Variants in TMPRSS4 observed in about 807,000 individuals in gnomAD.
TMPRSS4 encodes transmembrane serine protease 4.
A neutral mutation model predicts 56.4 loss-of-function variants in TMPRSS4; 45 were observed. That is an observed-to-expected ratio of 0.80 (90% confidence interval 0.63 to 1.02). The LOEUF (loss-of-function observed/expected upper bound fraction) is 1.02, where lower values mean the gene tolerates loss of function less well. Among genes scored for constraint, TMPRSS4 ranks in the 50% least tolerant of loss-of-function variants. The pLI is 0.00. For synonymous variants in TMPRSS4, 205 were observed against 211.0 expected (o/e 0.97, Z 0.25); for missense variants, 546 against 556.7 (o/e 0.98, Z 0.19).
At chr11:118,093,237 G>T (rs1418092464) in intron 1 of TMPRSS4, among the ~76,000 whole-genome samples, 1 of 152,146 alleles carries the variant, frequency 6.6e-6, no homozygotes, top group Admixed American at 6.5e-5. Context: ...AACACCCAGG[G>T]ACCCTCCCTC....
chr11:118,118,297 C>T lies in TMPRSS4; in HGVS notation c.*384C>T, dbSNP rs1406428960. On this transcript the variant is annotated 3_prime_UTR_variant, in exon 13 of 13. Coordinates refer to ENST00000437212, the MANE Select transcript of TMPRSS4 (RefSeq NM_019894.4). The stretch of plus-strand genomic sequence containing the variant: ...AGGAGAAGGAAAGGGTCTGCGCCAG[C>T]CCTGTCCGTCTTCACCCATCCCCAA... The T allele has an allele frequency of 9.0e-7, 1 of 1,110,832 alleles. No homozygotes were observed. The highest frequency in any genetic ancestry group is 1.1e-6 in the Non-Finnish European group (1 of 909,850). 68.8% of individuals were successfully genotyped at this position (1,110,832 alleles called of 1,614,324 possible). A position where few individuals can be genotyped will look rare whatever the true frequency, so the allele number is the denominator to read the frequency against.
At chr11:118,102,429 C>T (rs763332948) in intron 3 of TMPRSS4, among the ~76,000 whole-genome samples, 13 of 152,118 alleles carry the variant, frequency 8.5e-5, no homozygotes, top group Non-Finnish European at 1.2e-4. Flanking sequence ...ACAGTAAGGC[C>T]GAGTGCGGTG....
intron 3 of TMPRSS4, among the ~76,000 whole-genome samples, chr11:118,099,671 G>A (rs985765908): frequency 6.6e-6 from 1 of 152,020 alleles, no homozygotes; most frequent in East Asian, 2.0e-4. Context: ...GGGCTGCCAC[G>A]CCCCCTGCCC....
Position 118,118,068 on chromosome 11 carries a change from T to A in TMPRSS4, c.*155T>A. ...TGGAGCAGCAAAGGGCCTCAATTCC[T>A]ATAAGAGACCCTCGCAGCCCAGAGG... On this transcript the variant is annotated 3_prime_UTR_variant, in exon 13 of 13. Transcript: ENST00000437212. The A allele has an allele frequency of 6.7e-7, 1 of 1,497,716 alleles. No homozygotes were observed. The highest frequency in any genetic ancestry group is 8.9e-7 in the Non-Finnish European group (1 of 1,129,488). The allele number at this position is 1,497,716 out of a possible 1,614,324, so 92.8% of individuals were successfully genotyped here. A position where few individuals can be genotyped will look rare whatever the true frequency, so the allele number is the denominator to read the frequency against.
rs1303992765 is a variant in TMPRSS4, at chr11:118,120,366, T to A, written c.*2453T>A. On this transcript the variant is annotated 3_prime_UTR_variant, in exon 13 of 13. Coordinates refer to ENST00000437212, the MANE Select transcript of TMPRSS4 (RefSeq NM_019894.4). Reference sequence around the variant, plus strand: ...TTGCTGGATCATATGGTAATTCTATTTTGAATTTTTTGAGGAACTGATATA... The same window carrying A: ...TTGCTGGATCATATGGTAATTCTATATTGAATTTTTTGAGGAACTGATATA... The A allele has an allele frequency of 6.6e-6, 1 of 152,192 alleles. No homozygotes were observed. The highest frequency in any genetic ancestry group is 1.5e-5 in the Non-Finnish European group (1 of 68,032). The allele number at this position is 152,192 out of a possible 1,614,324, so 9.4% of individuals were successfully genotyped here. A position where few individuals can be genotyped will look rare whatever the true frequency, so the allele number is the denominator to read the frequency against.
At chr11:118,109,008 G>A in intron 7 of TMPRSS4, 112 bp downstream of exon 7, 1 of 1,262,600 alleles carries the variant, frequency 7.9e-7, no homozygotes, top group South Asian at 1.3e-5. Flanking sequence ...TTCTGCCTTG[G>A]TCTACAGCCC....
intron 5 of TMPRSS4, chr11:118,106,110 C>G (rs1946977594): frequency 6.6e-6 from 1 of 152,286 alleles, no homozygotes; most frequent in Admixed American, 6.5e-5. Flanking sequence ...CCCTGCCTCC[C>G]CACTGTAGTC....
At chr11:118,095,329 G>T in intron 2 of TMPRSS4, 1 of 161,316 alleles carries the variant, frequency 6.2e-6, no homozygotes, top group Non-Finnish European at 1.4e-5. Flanking sequence ...AATTTAAGGA[G>T]GTATTTTTCT....
chr11:118,103,905 G>A (rs1020403236), intron 4 of TMPRSS4, among the ~76,000 whole-genome samples: 2 of 152,322 alleles, frequency 1.3e-5, no homozygotes, highest in Non-Finnish European at 1.5e-5. Context: ...TTATTTCAAG[G>A]AGACTAGAAA....
intron 8 of TMPRSS4, among the ~76,000 whole-genome samples, chr11:118,112,874 C>T (rs1270213386): frequency 6.9e-6 from 1 of 143,944 alleles, no homozygotes; most frequent in African/African-American, 2.6e-5. Context: ...AAATTCTTTC[C>T]TGGAAAAACA....
chr11:118,118,199 A>C lies in TMPRSS4; in HGVS notation c.*286A>C. 1 of 1,350,282 alleles carries C rather than the reference A, an allele frequency of 7.4e-7. No homozygotes were observed. 83.6% of individuals were successfully genotyped at this position (1,350,282 alleles called of 1,614,324 possible). A position where few individuals can be genotyped will look rare whatever the true frequency, so the allele number is the denominator to read the frequency against. ...AAGGTCTCAGGGGTATTGCTAAGCCAAGAAGGAACTTTCCCACACTACTGA... is the reference window on the plus strand; with the variant it reads ...AAGGTCTCAGGGGTATTGCTAAGCCCAGAAGGAACTTTCCCACACTACTGA... On this transcript the variant is annotated 3_prime_UTR_variant, in exon 13 of 13. Coordinates refer to ENST00000437212, the MANE Select transcript of TMPRSS4 (RefSeq NM_019894.4).
intron 1 of TMPRSS4, among the ~76,000 whole-genome samples, chr11:118,090,942 T>G (rs1945905572): frequency 6.6e-6 from 1 of 152,092 alleles, no homozygotes; most frequent in Non-Finnish European, 1.5e-5. Flanking sequence ...CTAGCACTAT[T>G]CCGGGTCCAT....
rs567782877 is a variant in TMPRSS4, at chr11:118,099,603, C to A, written c.157+505C>A. Among the ~76,000 whole-genome samples, 17 of 152,314 alleles carry A rather than the reference C, an allele frequency of 1.1e-4. No individual in the cohort carries two copies. In the South Asian group the frequency reaches 3.5e-3, roughly 32 times the overall value. On this transcript the variant is annotated intron_variant, in intron 3 of 12. Coordinates refer to ENST00000437212, the MANE Select transcript of TMPRSS4 (RefSeq NM_019894.4). The stretch of plus-strand genomic sequence containing the variant: ...TCCAGACGGCTTCTATCCCAGGTGA[C>A]TTCTTCTAGAGGGAGAGCACAGTGG...
chr11:118,080,630 C>T (rs926789112), intron 1 of TMPRSS4, among the ~76,000 whole-genome samples: 6 of 152,098 alleles, frequency 3.9e-5, no homozygotes, highest in African/African-American at 1.4e-4. Flanking sequence ...AGACCCATGC[C>T]AAAGCCCAAG....
At chr11:118,114,412 G>A (rs1033888214) in intron 9 of TMPRSS4, among the ~76,000 whole-genome samples, 1 of 152,248 alleles carries the variant, frequency 6.6e-6, no homozygotes, top group Non-Finnish European at 1.5e-5. Flanking sequence ...CAGGAGGCAG[G>A]AGTGAGGGGA....
chr11:118,109,281 C>A (rs1947161493), intron 7 of TMPRSS4, among the ~76,000 whole-genome samples: 1 of 152,202 alleles, frequency 6.6e-6, no homozygotes, highest in South Asian at 2.1e-4. Flanking sequence ...TACCCACATT[C>A]ATTATTTGAG....
intron 3 of TMPRSS4, among the ~76,000 whole-genome samples, chr11:118,101,481 T>C (rs1017686899): frequency 2.3e-4 from 35 of 152,172 alleles, no homozygotes; most frequent in African/African-American, 7.2e-4. Context: ...TATGTCTGTC[T>C]GCTTGTTTGT....
chr11:118,080,821 C>G (rs138778962), intron 1 of TMPRSS4, among the ~76,000 whole-genome samples: 1 of 152,174 alleles, frequency 6.6e-6, no homozygotes, highest in Non-Finnish European at 1.5e-5. Context: ...AAAATCTCCA[C>G]GGCCTCAGAC....
downstream of TMPRSS4, chr11:118,125,449 C>T (rs537904954): frequency 4.5e-5 from 19 of 425,474 alleles, no homozygotes; most frequent in African/African-American, 3.4e-4. Context: ...CAGCCCCTGT[C>T]CCCCTTATGC....
Sources: gnomAD v4.1 joint callset for allele counts (sites outside exome capture counted in the v4.1 genomes callset) on GRCh38, gnomAD v4.1.1 for gene constraint, MANE v1.5 for transcripts, NCBI Gene and HGNC (gene_info 2026-07-23, HGNC 2026-07-21) for gene names.